JMY: variants seen among roughly 807,000 people sequenced by gnomAD.
JMY encodes junction mediating and regulatory protein, p53 cofactor.
Under a neutral mutation model 103.3 loss-of-function variants are expected in JMY, and 46 were observed. The observed-to-expected ratio is 0.45, with a 90% CI of 0.35 to 0.57. The LOEUF (loss-of-function observed/expected upper bound fraction) is 0.57. JMY is among the 20% of genes least tolerant of loss of function. The pLI is 0.00. For missense variants in JMY, 1,238 were observed against 1,255.2 expected, an observed-to-expected ratio of 0.99 and a Z score of 0.21; for synonymous variants, 526 against 489.3, an observed-to-expected ratio of 1.07 and a Z score of -0.99.
intron 1 of JMY, among the ~76,000 whole-genome samples, chr5:79,272,112 TAAA>T (rs758443549): frequency 2.9e-5 from 4 of 135,836 alleles, no homozygotes; most frequent in South Asian, 2.4e-4. Flanking sequence ...ATTCTGTCTT[TAAA>T]AAAAAAAAAA....
intron 1 of JMY, among the ~76,000 whole-genome samples, chr5:79,248,259 G>A (rs1204102834): frequency 1.3e-5 from 2 of 150,658 alleles, no homozygotes; most frequent in East Asian, 3.9e-4. Context: ...CGAACTCCTG[G>A]CCTTATTTCC....
At chr5:79,289,898 C>T (rs1426044962) in intron 2 of JMY, among the ~76,000 whole-genome samples, 1 of 151,958 alleles carries the variant, frequency 6.6e-6, no homozygotes, top group Admixed American at 6.6e-5. Context: ...TCTTTGCCTA[C>T]GTATGGAGTG....
At chr5:79,284,547 C>T (rs966785373) in intron 2 of JMY, 78 of 1,540,028 alleles carry the variant, frequency 5.1e-5, no homozygotes, top group Non-Finnish European at 6.8e-5. Context: ...GTCCTGACGT[C>T]AACGTGAGCT....
chr5:79,242,885 G>A (rs568670985), intron 1 of JMY, among the ~76,000 whole-genome samples: 9 of 151,434 alleles, frequency 5.9e-5, no homozygotes, highest in African/African-American at 1.9e-4. Context: ...CCAAGTTCAC[G>A]CAATTCTTTT....
intron 9 of JMY, among the ~76,000 whole-genome samples, chr5:79,315,277 G>A (rs1212823618): frequency 6.6e-6 from 1 of 152,174 alleles, no homozygotes; most frequent in Non-Finnish European, 1.5e-5. Context: ...TTGTGTATTT[G>A]TATAAAGAAG....
chr5:79,257,832 G>A (rs1326743155), intron 1 of JMY, among the ~76,000 whole-genome samples: 3 of 151,840 alleles, frequency 2.0e-5, no homozygotes, highest in African/African-American at 7.3e-5. Context: ...GTGCAGTCTC[G>A]ACTCACTGCA....
At chr5:79,320,169 C>T (rs901717866) in intron 10 of JMY, among the ~76,000 whole-genome samples, 8 of 152,022 alleles carry the variant, frequency 5.3e-5, no homozygotes, top group Non-Finnish European at 4.4e-5. Context: ...ATCACTTGAG[C>T]CCAGGAATTC....
chr5:79,276,732 G>T (rs951574586), intron 1 of JMY, among the ~76,000 whole-genome samples: 1 of 151,878 alleles, frequency 6.6e-6, no homozygotes, highest in Non-Finnish European at 1.5e-5. Context: ...TCAGCCTCCC[G>T]AGTGGCTGGG....
rs968519964 is a variant in JMY at position 79,237,643 on chromosome 5, C to T, written c.993C>T (p.Tyr331=). Reference sequence around the variant, plus strand: ...TCAGCGAGCTGCGGCAGAAGGGCTACGAAGAAGTGCTTCAGCGGGCCAGGA... The same window carrying T: ...TCAGCGAGCTGCGGCAGAAGGGCTATGAAGAAGTGCTTCAGCGGGCCAGGA... ...ESLSELRQKG[Y]EEVLQRARKR... The change falls in exon 1 of 11, where the codon TAC becomes TAT. Residue 331 remains tyrosine (Y), a synonymous_variant. Transcript: ENST00000396137. The T allele has an allele frequency of 1.2e-6, 2 of 1,613,652 alleles. No homozygotes were observed. Among genetic ancestry groups the T allele is most frequent in the Non-Finnish European group, 1.7e-6 (2 of 1,179,890 alleles).
intron 1 of JMY, among the ~76,000 whole-genome samples, chr5:79,265,878 T>G (rs1425865207): frequency 6.6e-6 from 1 of 151,550 alleles, no homozygotes; most frequent in East Asian, 1.9e-4. Context: ...CCTCCCAGGT[T>G]CAAGTGATTC....
chr5:79,320,945 G>A (rs1747429888), intron 10 of JMY, among the ~76,000 whole-genome samples: 1 of 152,048 alleles, frequency 6.6e-6, no homozygotes, highest in Non-Finnish European at 1.5e-5. Context: ...CAGCAAAATT[G>A]TATTTAATGG....
chr5:79,247,314 A>T (rs1744932714), intron 1 of JMY, among the ~76,000 whole-genome samples: 1 of 151,784 alleles, frequency 6.6e-6, no homozygotes, highest in South Asian at 2.1e-4. Context: ...TTTCCTTTTT[A>T]TTTTTTGAGA....
chr5:79,300,287 G>A lies in JMY; in HGVS notation c.1662G>A (p.Ala554=), dbSNP rs1350147369. The change falls in exon 5 of 11, where the codon GCG becomes GCA. Residue 554 remains alanine (A), a synonymous_variant. Transcript: ENST00000396137. ...ILKCEELLLT[A]QLESIKRLIS... is the part of the protein sequence containing the mutation. ...AGTGTGAAGAGTTACTATTGACAGC[G>A]CAACTAGAAAGCATCAAAAGACTTA... 1.1e-5 allele frequency: 17 copies of A among 1,580,576 alleles called. No homozygotes were observed. Among genetic ancestry groups the A allele is most frequent in the South Asian group, 3.5e-5 (3 of 85,882 alleles).
intron 7 of JMY, among the ~76,000 whole-genome samples, chr5:79,308,622 A>T (rs1025805125): frequency 6.6e-6 from 1 of 152,210 alleles, no homozygotes; most frequent in African/African-American, 2.4e-5. Context: ...CCACAAAAAA[A>T]TTGCTGGGAT....
At position 79,291,263 on chromosome 5, in the gene JMY, A is replaced by G. The variant is rs1481645218; in HGVS notation, c.1491A>G (p.Ile497Met). ...TGCAGATGATGAGAGCTAAAGAGAT[A>G]TGCTTGGAACAGCGGAAACATGCAC... ...ETLQMMRAKEICLEQRKHALK... is the reference protein window; with the variant it reads ...ETLQMMRAKEMCLEQRKHALK... Residue 497 changes from isoleucine to methionine, a missense_variant, in exon 4 of 11, where the codon ATA becomes ATG. Coordinates refer to ENST00000396137, the MANE Select transcript of JMY (RefSeq NM_152405.5). 6.2e-7 allele frequency: 1 copy of G among 1,609,900 alleles called. No homozygotes were observed. The highest frequency in any genetic ancestry group is 2.2e-5 in the East Asian group (1 of 44,816).
At chr5:79,241,189 A>T (rs1744730106) in intron 1 of JMY, among the ~76,000 whole-genome samples, 1 of 152,142 alleles carries the variant, frequency 6.6e-6, no homozygotes, top group African/African-American at 2.4e-5. Context: ...TTTTAATAGA[A>T]CAGACTGTAC....
rs1260321189 is a variant in JMY at position 79,325,386 on chromosome 5, T to A, written c.*3784T>A. ...AAAAAATGAACAGCTGTAAGACATT[T>A]CAAAACCATTGCAGACACATTGTTA... On this transcript the variant is annotated 3_prime_UTR_variant, in exon 11 of 11. Transcript: ENST00000396137. The A allele has an allele frequency of 6.6e-6, 1 of 152,166 alleles. No individual in the cohort carries two copies. The highest frequency in any genetic ancestry group is 1.5e-5 in the Non-Finnish European group (1 of 67,996). 9.4% of individuals were successfully genotyped at this position (152,166 alleles called of 1,614,324 possible).
chr5:79,240,991 A>T (rs1039997891), intron 1 of JMY, among the ~76,000 whole-genome samples: 2 of 152,204 alleles, frequency 1.3e-5, no homozygotes, highest in Non-Finnish European at 2.9e-5. Flanking sequence ...TTTTGAGGAT[A>T]TGTTAGAATG....
chr5:79,288,722 TTTTGTTTG>T (rs533251101), intron 2 of JMY, among the ~76,000 whole-genome samples: 3 of 151,824 alleles, frequency 2.0e-5, no homozygotes, highest in Non-Finnish European at 4.4e-5. Flanking sequence ...TTTTGTTTTT[TTTTGTTTG>T]TTTGTTTGTT....
Sources: gnomAD v4.1 joint callset for allele counts (sites outside exome capture counted in the v4.1 genomes callset) on GRCh38, gnomAD v4.1.1 for gene constraint, MANE v1.5 for transcripts, NCBI Gene and HGNC (gene_info 2026-07-23, HGNC 2026-07-21) for gene names.